The following SPOCK3 variants were observed in gnomAD, a reference collection of about 807,000 sequenced individuals.
The protein encoded by SPOCK3 is testican-3.
Under a neutral mutation model 56.6 loss-of-function variants are expected in SPOCK3, and 30 were observed. That is an observed-to-expected ratio of 0.53 (90% confidence interval 0.40 to 0.72). SPOCK3 has a LOEUF of 0.72. SPOCK3 is among the 30% of genes least tolerant of loss of function. The pLI is 0.00. For synonymous variants in SPOCK3, 196 were observed against 183.3 expected, an observed-to-expected ratio of 1.07 and a Z score of -0.56; for missense variants, 527 against 530.0, an observed-to-expected ratio of 0.99 and a Z score of 0.06.
intron 2 of SPOCK3, among the ~76,000 whole-genome samples, chr4:167,181,518 T>C (rs977582970): frequency 2.0e-5 from 3 of 152,210 alleles, no homozygotes; most frequent in Non-Finnish European, 4.4e-5. Context: ...AAGTTATGAT[T>C]GTTAGTCTTG....
At chr4:166,962,297 T>C (rs945730682) in intron 4 of SPOCK3, among the ~76,000 whole-genome samples, 39 of 152,236 alleles carry the variant, frequency 2.6e-4, no homozygotes, top group Non-Finnish European at 5.1e-4. Context: ...TTATAAGATA[T>C]TTAGATGTCC....
intron 2 of SPOCK3, among the ~76,000 whole-genome samples, chr4:167,082,541 C>T (rs1398192738): frequency 6.6e-6 from 1 of 151,996 alleles, no homozygotes; most frequent in African/African-American, 2.4e-5. Flanking sequence ...GAAAGATACT[C>T]AAGGACATAC....
At chr4:166,790,228 G>C (rs921225436) in intron 7 of SPOCK3, among the ~76,000 whole-genome samples, 1 of 152,130 alleles carries the variant, frequency 6.6e-6, no homozygotes, top group Non-Finnish European at 1.5e-5. Flanking sequence ...TTGGGAGAGA[G>C]ACAGAGACAT....
chr4:166,877,221 T>G (rs969135877), intron 6 of SPOCK3, among the ~76,000 whole-genome samples: 2 of 152,194 alleles, frequency 1.3e-5, no homozygotes, highest in African/African-American at 4.8e-5. Context: ...AATATTCTCC[T>G]ATAGAAACCA....
At chr4:166,755,901 G>GGGAATTTGTTAATTTTCAGAA (rs1449503862) in intron 7 of SPOCK3, among the ~76,000 whole-genome samples, 7 of 10,778 alleles carry the variant, frequency 6.5e-4, no homozygotes, top group East Asian at 1.7e-3. Context: ...ATTTGGGACA[G>GGGAATTTGTTAATTTTCAGAA]GAACAGCTCC....
intron 9 of SPOCK3, among the ~76,000 whole-genome samples, chr4:166,738,539 T>C (rs1734470394): frequency 6.6e-6 from 1 of 151,208 alleles, no homozygotes; most frequent in South Asian, 2.1e-4. Flanking sequence ...TACATATGTA[T>C]ACATGTGCCA....
At chr4:166,950,717 G>C (rs897918143) in intron 4 of SPOCK3, among the ~76,000 whole-genome samples, 2 of 149,422 alleles carry the variant, frequency 1.3e-5, no homozygotes, top group African/African-American at 5.1e-5. Flanking sequence ...TAAAAGAACA[G>C]AGATTATAAC....
intron 6 of SPOCK3, among the ~76,000 whole-genome samples, chr4:166,856,796 CTATCTATCTATCTAGA>C (rs898580335): frequency 7.4e-5 from 11 of 147,786 alleles, no homozygotes; most frequent in African/African-American, 2.2e-4. Context: ...ATCTATCTAT[CTATCTATCTATCTAGA>C]TATCTAGATA....
At chr4:167,192,014 T>C (rs1217370962) in intron 2 of SPOCK3, among the ~76,000 whole-genome samples, 1 of 145,732 alleles carries the variant, frequency 6.9e-6, no homozygotes, top group Non-Finnish European at 1.5e-5. Context: ...TTCCAAATAG[T>C]CTTTCTCCAT....
At chr4:166,899,584 G>A (rs1197614857) in intron 5 of SPOCK3, among the ~76,000 whole-genome samples, 2 of 137,932 alleles carry the variant, frequency 1.4e-5, no homozygotes, top group Non-Finnish European at 3.0e-5. Context: ...TCAGCTTACT[G>A]CAACCTCTGC....
intron 4 of SPOCK3, among the ~76,000 whole-genome samples, chr4:166,969,906 T>C (rs1044968776): frequency 1.3e-5 from 2 of 152,212 alleles, no homozygotes; most frequent in Non-Finnish European, 2.9e-5. Flanking sequence ...GAAAATATGA[T>C]CTTGATACTG....
At chr4:166,826,210 C>T (rs577192096) in intron 6 of SPOCK3, among the ~76,000 whole-genome samples, 19 of 152,130 alleles carry the variant, frequency 1.2e-4, no homozygotes, top group African/African-American at 4.6e-4. Flanking sequence ...TTTTCTATAG[C>T]CTACAAAGCA....
intron 2 of SPOCK3, among the ~76,000 whole-genome samples, chr4:167,131,595 TCC>T (rs959872761): frequency 2.0e-5 from 3 of 152,000 alleles, no homozygotes; most frequent in Non-Finnish European, 4.4e-5. Flanking sequence ...AGAGCAAGAC[TCC>T]GTCCCCCACA....
chr4:166,953,748 T>C (rs1015481953), intron 4 of SPOCK3, among the ~76,000 whole-genome samples: 1 of 152,192 alleles, frequency 6.6e-6, no homozygotes, highest in Admixed American at 6.5e-5. Context: ...TGGAATACTA[T>C]GCAGCCACAA....
At chr4:166,961,368 C>T (rs1174243315) in intron 4 of SPOCK3, among the ~76,000 whole-genome samples, 1 of 151,796 alleles carries the variant, frequency 6.6e-6, no homozygotes, top group Non-Finnish European at 1.5e-5. Context: ...TTGAGCACTC[C>T]CAAATTTGAG....
At chr4:167,110,793 A>T (rs1642532474) in intron 2 of SPOCK3, among the ~76,000 whole-genome samples, 1 of 152,056 alleles carries the variant, frequency 6.6e-6, no homozygotes. Flanking sequence ...CTCTAAAAAA[A>T]ATTCCTTTCA....
intron 6 of SPOCK3, among the ~76,000 whole-genome samples, chr4:166,817,495 C>G (rs774641877): frequency 1.3e-4 from 19 of 151,926 alleles, no homozygotes; most frequent in Non-Finnish European, 2.5e-4. Flanking sequence ...CTGATAGTAG[C>G]AGAAGTTCAG....
At chr4:167,158,120 T>G (rs747633348) in intron 2 of SPOCK3, among the ~76,000 whole-genome samples, 2 of 151,990 alleles carry the variant, frequency 1.3e-5, no homozygotes, top group African/African-American at 2.4e-5. Flanking sequence ...CTGAGGAGGA[T>G]AGAGAAAATA....
rs182276019 is a variant in SPOCK3 at position 166,829,920 on chromosome 4, G to A, written c.590-37631C>T. Reference sequence around the variant, plus strand: ...AAAGCTTCCTCCTTGACACTGTGGTGGAATTGACTGTATCATCTATGTCTC... The same window carrying A: ...AAAGCTTCCTCCTTGACACTGTGGTAGAATTGACTGTATCATCTATGTCTC... On this transcript the variant is annotated intron_variant, in intron 6 of 10. Transcript: ENST00000357545. Among the ~76,000 whole-genome samples the A allele has an allele frequency of 9.9e-5, 15 of 152,140 alleles. No individual in the cohort carries two copies. In the East Asian group the frequency reaches 2.9e-3, roughly 29 times the overall value.
Sources: gnomAD v4.1 joint callset for allele counts (sites outside exome capture counted in the v4.1 genomes callset) on GRCh38, gnomAD v4.1.1 for gene constraint, MANE v1.5 for transcripts, NCBI Gene and HGNC (gene_info 2026-07-23, HGNC 2026-07-21) for gene names.